Variants in HYKK observed in about 807,000 individuals in gnomAD.
The protein encoded by HYKK is hydroxylysine kinase, also known as 5-hydroxy-L-lysine kinase.
In HYKK, 19 loss-of-function variants were observed where a neutral mutation model predicts 29.7. That is an observed-to-expected ratio of 0.64 (90% confidence interval 0.45 to 0.94). The LOEUF is 0.94. Ranked by LOEUF, HYKK falls within the 40% of genes least tolerant of loss-of-function variation. The pLI, the probability that HYKK is intolerant of heterozygous loss-of-function variation, is 0.00. For missense variants in HYKK, 390 were observed against 443.4 expected, an observed-to-expected ratio of 0.88 and a Z score of 1.08; for synonymous variants, 152 against 158.1, an observed-to-expected ratio of 0.96 and a Z score of 0.29.
At chr15:78,527,686 T>C in intron 4 of HYKK, 123 bp downstream of exon 4, 1 of 1,426,902 alleles carries the variant, frequency 7.0e-7, no homozygotes, top group Non-Finnish European at 9.1e-7. Flanking sequence ...TATTTGCTCC[T>C]ATTGCTTTTT....
intron 3 of HYKK, among the ~76,000 whole-genome samples, chr15:78,516,234 A>G (rs948888400): frequency 2.0e-5 from 3 of 152,144 alleles, no homozygotes; most frequent in African/African-American, 7.2e-5. Context: ...ATCACAGGAC[A>G]AAGGAAATAT....
Position 78,533,334 on chromosome 15 carries a change from T to C in HYKK, c.786T>C (p.Tyr262=), listed in dbSNP as rs1195989499. The change falls in exon 5 of 5, where the codon TAT becomes TAC. Residue 262 remains tyrosine, a synonymous_variant. Transcript: ENST00000388988. ...LDFGDMSYGY[Y]VFEVAITIMY... ...TTGGTGACATGAGCTATGGCTACTA[T>C]GTGTTTGAAGTGGCAATTACCATCA... 1 of 1,614,186 alleles carries C rather than the reference T, an allele frequency of 6.2e-7. No homozygotes were observed. The highest frequency in any genetic ancestry group is 8.5e-7 in the Non-Finnish European group (1 of 1,179,992).
At position 78,522,896 on chromosome 15, in the gene HYKK, AAG is replaced by A. The variant is rs535795149; in HGVS notation, c.478-4473_478-4472del. 1.8e-4 allele frequency among the ~76,000 whole-genome samples: 28 copies of A among 152,016 alleles called. No individual in the cohort carries two copies. In the East Asian group the frequency reaches 2.9e-3, roughly 16 times the overall value. On this transcript the variant is annotated intron_variant, in intron 3 of 4. Coordinates refer to ENST00000388988, the MANE Select transcript of HYKK (RefSeq NM_001013619.4). ...TCTGTCTCAGAAAAAAAAAAGAAAA[AAG>A]AGAGAGAGAGGGAAAGGACTCCGAG...
chr15:78,527,660 T>C (rs754714696), intron 4 of HYKK, 97 bp downstream of exon 4: 22 of 1,493,742 alleles, frequency 1.5e-5, no homozygotes, highest in Non-Finnish European at 1.9e-5. Flanking sequence ...CTTTATCAAA[T>C]CTTAAAATTT....
chr15:78,519,752 C>A (rs1444127972), intron 3 of HYKK, among the ~76,000 whole-genome samples: 2 of 152,042 alleles, frequency 1.3e-5, no homozygotes, highest in East Asian at 1.9e-4. Context: ...AAGAGTGAGA[C>A]AACGTCTCAA....
At chr15:78,530,240 A>G (rs2052298305) in intron 4 of HYKK, among the ~76,000 whole-genome samples, 1 of 148,070 alleles carries the variant, frequency 6.8e-6, no homozygotes, top group African/African-American at 2.5e-5. Context: ...TTGTTCTGTC[A>G]CCCAGGCTGG....
intron 3 of HYKK, among the ~76,000 whole-genome samples, chr15:78,515,735 CCCA>C (rs1458855890): frequency 1.3e-5 from 2 of 152,058 alleles, no homozygotes; most frequent in Non-Finnish European, 2.9e-5. Flanking sequence ...ACTACAGGTG[CCCA>C]CCACCACGCC....
At position 78,535,164 on chromosome 15, in the gene HYKK, C is replaced by G. The variant is rs1183376489; in HGVS notation, c.*1494C>G. ...ATATGAACAGGCATTGATCCTATCT[C>G]CATCTTTCTGTCTACCTACCTAGTC... On this transcript the variant is annotated 3_prime_UTR_variant, in exon 5 of 5. Coordinates refer to ENST00000388988, the MANE Select transcript of HYKK (RefSeq NM_001013619.4). 1.3e-5 allele frequency: 2 copies of G among 152,120 alleles called. No homozygotes were observed. The highest frequency in any genetic ancestry group is 6.5e-5 in the Admixed American group (1 of 15,272). The allele number at this position is 152,120 out of a possible 1,614,324, so 9.4% of individuals were successfully genotyped here.
At chr15:78,530,663 ATTT>A (rs34312933) in intron 4 of HYKK, among the ~76,000 whole-genome samples, 16 of 151,416 alleles carry the variant, frequency 1.1e-4, no homozygotes, top group Admixed American at 2.6e-4. Context: ...GAGCTAAAAA[ATTT>A]TTTTTTATAG....
At chr15:78,510,152 C>T (rs924522691) in intron 1 of HYKK, among the ~76,000 whole-genome samples, 8 of 142,744 alleles carry the variant, frequency 5.6e-5, no homozygotes, top group Non-Finnish European at 1.1e-4. Flanking sequence ...TCTTCTTTCT[C>T]TTGCTCTCTC....
chr15:78,518,716 G>C (rs2052161047), intron 3 of HYKK: 1 of 377,624 alleles, frequency 2.6e-6, no homozygotes, highest in African/African-American at 2.2e-5. Flanking sequence ...TCAGGAGTTA[G>C]AGACCAGCTG....
rs546533630 is a variant in HYKK, at chr15:78,516,609, C to A, written c.477+1502C>A. Among the ~76,000 whole-genome samples, 95 of 152,184 alleles carry A rather than the reference C, an allele frequency of 6.2e-4. 1 individual carries two copies. Among genetic ancestry groups the A allele is most frequent in the African/African-American group, 2.1e-3 (89 of 41,530 alleles). On this transcript the variant is annotated intron_variant, in intron 3 of 4. Coordinates refer to ENST00000388988, the MANE Select transcript of HYKK (RefSeq NM_001013619.4). ...AAGCAGTCTTCCCGCCTCTGCCTCC[C>A]AAAGTGCTGGGATGACAGGCATGAG...
intron 3 of HYKK, among the ~76,000 whole-genome samples, chr15:78,522,749 C>T (rs535431769): frequency 1.2e-4 from 19 of 152,070 alleles, no homozygotes; most frequent in Non-Finnish European, 2.5e-4. Context: ...CATGGTGACA[C>T]ATGCCTGTAA....
rs749246079 is a variant in HYKK, at chr15:78,536,162, G to A, written c.*2492G>A. The A allele has an allele frequency of 1.3e-5, 2 of 152,162 alleles. No homozygotes were observed. The highest frequency in any genetic ancestry group is 1.5e-5 in the Non-Finnish European group (1 of 68,038). The allele number at this position is 152,162 out of a possible 1,614,324, so 9.4% of individuals were successfully genotyped here. A position where few individuals can be genotyped will look rare whatever the true frequency, so the allele number is the denominator to read the frequency against. On this transcript the variant is annotated 3_prime_UTR_variant, in exon 5 of 5. Coordinates refer to ENST00000388988, the MANE Select transcript of HYKK (RefSeq NM_001013619.4). ...ATCGTCATTTTCAGATAAGAAAATAGCAGCTGAAAAAGTAAAAATAATTTC... is the reference window on the plus strand; with the variant it reads ...ATCGTCATTTTCAGATAAGAAAATAACAGCTGAAAAAGTAAAAATAATTTC...
chr15:78,522,558 CAAAA>C (rs746784955), intron 3 of HYKK, among the ~76,000 whole-genome samples: 2 of 42,742 alleles, frequency 4.7e-5, no homozygotes, highest in African/African-American at 1.6e-4. Context: ...GACTCCGTCT[CAAAA>C]AAAAAAAAAA....
chr15:78,507,599 C>A lies in HYKK; in HGVS notation c.-78C>A, dbSNP rs549703826. On this transcript the variant is annotated 5_prime_UTR_variant, in exon 1 of 5. Transcript: ENST00000388988. Reference sequence around the variant, plus strand: ...CGGCCCCTGCTCTACCTCCTAGCGCCGGTGCGCGGCCGAGGCCGCACTACC... The same window carrying A: ...CGGCCCCTGCTCTACCTCCTAGCGCAGGTGCGCGGCCGAGGCCGCACTACC... The A allele has an allele frequency of 6.6e-6, 1 of 152,368 alleles. No individual in the cohort carries two copies. Among genetic ancestry groups the A allele is most frequent in the Non-Finnish European group, 1.5e-5 (1 of 68,196 alleles). 9.4% of individuals were successfully genotyped at this position (152,368 alleles called of 1,614,324 possible). A position where few individuals can be genotyped will look rare whatever the true frequency, so the allele number is the denominator to read the frequency against.
At position 78,534,175 on chromosome 15, in the gene HYKK, G is replaced by A. The variant is rs576973624; in HGVS notation, c.*505G>A. 6.6e-5 allele frequency: 10 copies of A among 151,918 alleles called. No homozygotes were observed. The highest frequency in any genetic ancestry group is 2.4e-4 in the African/African-American group (10 of 41,226). The allele number at this position is 151,918 out of a possible 1,614,324, so 9.4% of individuals were successfully genotyped here. ...ACTTTGTATAATGGATCGTGGTTGT[G>A]CAGTCATCTTGCCTGAGAGCTACTG... On this transcript the variant is annotated 3_prime_UTR_variant, in exon 5 of 5. Coordinates refer to ENST00000388988, the MANE Select transcript of HYKK (RefSeq NM_001013619.4).
At position 78,527,387 on chromosome 15, in the gene HYKK, A is replaced by G; in HGVS notation, c.485A>G (p.His162Arg). 3 of 1,613,738 alleles carry G rather than the reference A, an allele frequency of 1.9e-6. No individual in the cohort carries two copies. The highest frequency in any genetic ancestry group is 2.5e-6 in the Non-Finnish European group (3 of 1,179,812). The change falls in exon 4 of 5, where the codon CAT becomes CGT. Residue 162 changes from histidine (H) to arginine (R), a missense_variant. By Grantham distance (29) the His-to-Arg change is conservative. Transcript: ENST00000388988. ...ATCTCGCTTTTGATTTAGAGATTCC[A>G]TCACCCAAAGTTAAGTAGTCTTCAT... The part of the protein sequence containing the change: ...AKLDKTLQRF[H>R]HPKLSSLHRE...
intron 2 of HYKK, among the ~76,000 whole-genome samples, chr15:78,514,603 T>G (rs1294053807): frequency 1.3e-5 from 2 of 152,234 alleles, no homozygotes; most frequent in African/African-American, 4.8e-5. Flanking sequence ...TGTGAACTTA[T>G]GAAAGAGTAT....
Sources: allele counts gnomAD v4.1 joint callset (sites outside exome capture counted in the v4.1 genomes callset), GRCh38; gene constraint gnomAD v4.1.1; transcripts MANE v1.5; gene names NCBI Gene and HGNC (gene_info 2026-07-23, HGNC 2026-07-21).